ITPK1: variants seen among roughly 807,000 people sequenced by gnomAD.
ITPK1 encodes inositol 1,3,4-trisphosphate 5/6-kinase.
Under a neutral mutation model 45.3 loss-of-function variants are expected in ITPK1, and 21 were observed. The ratio of observed to expected loss-of-function variants is 0.46; its 90% CI spans 0.33 to 0.67. ITPK1 has a LOEUF of 0.67. Among genes scored for constraint, ITPK1 ranks in the 30% least tolerant of loss-of-function variants. The pLI, the probability that ITPK1 is intolerant of heterozygous loss-of-function variation, is 0.02. For synonymous variants in ITPK1, 258 were observed against 253.6 expected (o/e 1.02, Z -0.16); for missense variants, 474 against 573.5 (o/e 0.83, Z 1.77).
At chr14:93,067,471 T>C (rs1385116424) in intron 3 of ITPK1, 1 of 151,978 alleles carries the variant, frequency 6.6e-6, no homozygotes, top group Non-Finnish European at 1.5e-5. Context: ...CATCAAAGGC[T>C]GGAGAAAGAA....
chr14:93,011,909 C>G (rs1402791851), intron 4 of ITPK1, among the ~76,000 whole-genome samples: 2 of 144,878 alleles, frequency 1.4e-5, no homozygotes, highest in African/African-American at 5.0e-5. Context: ...AGAGTCCAAG[C>G]TGCACAGCCT....
At chr14:93,055,097 T>C (rs1890167544) in intron 3 of ITPK1, among the ~76,000 whole-genome samples, 1 of 152,202 alleles carries the variant, frequency 6.6e-6, no homozygotes, top group Non-Finnish European at 1.5e-5. Flanking sequence ...CCTGGCATCT[T>C]TGGCCACGTT....
At chr14:93,027,215 A>G (rs983779113) in intron 3 of ITPK1, among the ~76,000 whole-genome samples, 1 of 152,180 alleles carries the variant, frequency 6.6e-6, no homozygotes, top group Admixed American at 6.5e-5. Context: ...GAGACTGCTC[A>G]TCATGTGCTC....
At chr14:92,946,561 C>A (rs547512908) in intron 9 of ITPK1, 68 bp from the exon 10 acceptor site, 10 of 1,457,264 alleles carry the variant, frequency 6.9e-6, no homozygotes, top group East Asian at 2.3e-5. Context: ...CACAGACAGA[C>A]CCCCCACACC....
chr14:93,071,006 T>C (rs1890976009), intron 3 of ITPK1: 1 of 153,944 alleles, frequency 6.5e-6, no homozygotes, highest in South Asian at 2.1e-4. Flanking sequence ...ATCACCATCA[T>C]GACAAGTAGC....
intron 2 of ITPK1, among the ~76,000 whole-genome samples, chr14:93,105,707 T>G (rs1373838917): frequency 1.3e-5 from 2 of 149,804 alleles, no homozygotes; most frequent in African/African-American, 2.5e-5. Context: ...GTGGGGTTTT[T>G]TTTTTTTTTT....
intron 3 of ITPK1, among the ~76,000 whole-genome samples, chr14:93,021,362 T>A (rs1888450972): frequency 6.6e-6 from 1 of 151,938 alleles, no homozygotes; most frequent in African/African-American, 2.4e-5. Context: ...GGAGGCCAGG[T>A]GGGCCGATCA....
At chr14:93,043,014 C>CAA (rs11370882) in intron 3 of ITPK1, among the ~76,000 whole-genome samples, 38 of 149,046 alleles carry the variant, frequency 2.5e-4, no homozygotes, top group Admixed American at 5.3e-4. Flanking sequence ...GAGACTGTCT[C>CAA]AAAAAAAAAA....
intron 3 of ITPK1, among the ~76,000 whole-genome samples, chr14:93,074,420 G>A (rs1347869473): frequency 1.3e-5 from 2 of 152,264 alleles, no homozygotes; most frequent in African/African-American, 2.4e-5. Flanking sequence ...AATGAAACCC[G>A]CCGACCCCTG....
intron 3 of ITPK1, among the ~76,000 whole-genome samples, chr14:93,037,421 T>C (rs1443785986): frequency 6.6e-6 from 1 of 152,172 alleles, no homozygotes; most frequent in Non-Finnish European, 1.5e-5. Context: ...AATGTGACGG[T>C]TGGGTTTCAC....
chr14:92,946,594 G>T, intron 9 of ITPK1, 101 bp from the exon 10 acceptor site: 1 of 1,205,392 alleles, frequency 8.3e-7, no homozygotes. Flanking sequence ...GCCCTGGCAT[G>T]CTTCAGGCCA....
chr14:93,057,549 C>T (rs749619), intron 3 of ITPK1, among the ~76,000 whole-genome samples: 26,158 of 152,172 alleles, frequency 0.17, 2,847 homozygotes, highest in African/African-American at 0.3. Flanking sequence ...AGGAAACAGA[C>T]GTGCGAGTAC....
intron 3 of ITPK1, among the ~76,000 whole-genome samples, chr14:93,075,152 C>A (rs1442485286): frequency 6.6e-6 from 1 of 151,600 alleles, no homozygotes; most frequent in Non-Finnish European, 1.5e-5. Flanking sequence ...CATGGTGAAA[C>A]CCCATCTCTA....
chr14:93,107,242 G>A (rs940572024), intron 2 of ITPK1, among the ~76,000 whole-genome samples: 2 of 152,216 alleles, frequency 1.3e-5, no homozygotes, highest in Non-Finnish European at 2.9e-5. Context: ...ACAGGTGTAA[G>A]CCATCACACC....
At chr14:92,973,986 C>T (rs953413553) in intron 5 of ITPK1, among the ~76,000 whole-genome samples, 1 of 152,230 alleles carries the variant, frequency 6.6e-6, no homozygotes, top group Non-Finnish European at 1.5e-5. Context: ...CCCTCCATGC[C>T]CCTCTGGGGT....
chr14:92,967,899 TG>T (rs1195146553), intron 5 of ITPK1, among the ~76,000 whole-genome samples: 1 of 152,126 alleles, frequency 6.6e-6, no homozygotes, highest in African/African-American at 2.4e-5. Context: ...TGACAGGAGC[TG>T]GGGAAGGAAG....
At chr14:93,009,836 A>G (rs952756617) in intron 4 of ITPK1, among the ~76,000 whole-genome samples, 2 of 152,132 alleles carry the variant, frequency 1.3e-5, no homozygotes, top group African/African-American at 4.8e-5. Context: ...GGTGGCCCTG[A>G]AATCACCAAC....
intron 2 of ITPK1, among the ~76,000 whole-genome samples, chr14:93,096,709 T>TC (rs1172328255): frequency 2.0e-5 from 3 of 152,166 alleles, no homozygotes; most frequent in African/African-American, 7.2e-5. Context: ...TCCCAAGGGC[T>TC]CTCCCAGTTG....
At chr14:93,044,642 G>A (rs909285583) in intron 3 of ITPK1, among the ~76,000 whole-genome samples, 2 of 152,174 alleles carry the variant, frequency 1.3e-5, no homozygotes, top group African/African-American at 4.8e-5. Flanking sequence ...CCAATGTGGC[G>A]ACAACCATCA....
Sources: allele counts gnomAD v4.1 joint callset (sites outside exome capture counted in the v4.1 genomes callset), GRCh38; gene constraint gnomAD v4.1.1; transcripts MANE v1.5; gene names NCBI Gene and HGNC (gene_info 2026-07-23, HGNC 2026-07-21).